Variants in EEPD1 observed in about 807,000 individuals in gnomAD.
The protein encoded by EEPD1 is endonuclease/exonuclease/phosphatase family domain-containing protein 1.
EEPD1 carries 17 observed loss-of-function variants against 46.3 expected under a neutral mutation model. The observed-to-expected ratio is 0.37, with a 90% CI of 0.25 to 0.55. The LOEUF (loss-of-function observed/expected upper bound fraction) is 0.55, where lower values mean the gene tolerates loss of function less well. Ranked by LOEUF, EEPD1 falls within the 20% of genes least tolerant of loss-of-function variation. EEPD1 has a pLI of 0.83. For missense variants in EEPD1, 673 were observed against 745.6 expected (o/e 0.90, Z 1.13); for synonymous variants, 313 against 315.6 (o/e 0.99, Z 0.09).
chr7:36,266,984 T>C (rs1787029217), intron 3 of EEPD1, among the ~76,000 whole-genome samples: 1 of 152,240 alleles, frequency 6.6e-6, no homozygotes, highest in Non-Finnish European at 1.5e-5. Flanking sequence ...CTGGTGGACA[T>C]TTGGGTCATT....
chr7:36,172,991 C>T (rs1474221491), intron 2 of EEPD1, among the ~76,000 whole-genome samples: 1 of 152,048 alleles, frequency 6.6e-6, no homozygotes, highest in Non-Finnish European at 1.5e-5. Context: ...AGTATAGAAA[C>T]AGAATTGGAG....
intron 2 of EEPD1, among the ~76,000 whole-genome samples, chr7:36,186,910 C>A (rs62445396): frequency 6.6e-6 from 1 of 152,208 alleles, no homozygotes; most frequent in Admixed American, 6.5e-5. Flanking sequence ...TCTACTGTTA[C>A]GATTGTAAAT....
rs534768270 is a variant in EEPD1, at chr7:36,211,278, C to T, written c.879-27707C>T. ...GATAGTAAAACATGCTATACATGCG[C>T]AGTGTTAAAATAGCAATTGGTGTCT... is the stretch of plus-strand genomic sequence containing the variant. On this transcript the variant is annotated intron_variant, in intron 2 of 7. Transcript: ENST00000242108. Among the ~76,000 whole-genome samples, 135 of 152,242 alleles carry T rather than the reference C, an allele frequency of 8.9e-4. 1 individual carries two copies. Among genetic ancestry groups the T allele is most frequent in the Admixed American group, 3.8e-3 (58 of 15,302 alleles).
At chr7:36,296,694 CTTTTTTTTTTTT>C (rs60706978) in intron 6 of EEPD1, among the ~76,000 whole-genome samples, 1,713 of 83,206 alleles carry the variant, frequency 0.021, 46 homozygotes, top group African/African-American at 0.077. Context: ...ACCCTTAGGT[CTTTTTTTTTTTT>C]TTTTTTTTTT....
At chr7:36,198,350 AAAAAAAAAG>A (rs1785648691) in intron 2 of EEPD1, among the ~76,000 whole-genome samples, 5 of 145,350 alleles carry the variant, frequency 3.4e-5, no homozygotes. Flanking sequence ...AAGAAAAAAA[AAAAAAAAAG>A]AAAGATATTT....
intron 3 of EEPD1, among the ~76,000 whole-genome samples, chr7:36,271,553 T>G (rs1787102225): frequency 1.3e-5 from 2 of 152,158 alleles, no homozygotes; most frequent in Admixed American, 1.3e-4. Flanking sequence ...TCTCCCATTC[T>G]GTAGGTTGCC....
At chr7:36,157,387 A>G (rs1784842513) in intron 2 of EEPD1, among the ~76,000 whole-genome samples, 1 of 152,226 alleles carries the variant, frequency 6.6e-6, no homozygotes, top group Admixed American at 6.5e-5. Flanking sequence ...GTGAGCAAAG[A>G]CGGCTGGCCT....
chr7:36,222,884 C>T (rs1444533262), intron 2 of EEPD1, among the ~76,000 whole-genome samples: 3 of 152,218 alleles, frequency 2.0e-5, no homozygotes, highest in African/African-American at 7.2e-5. Flanking sequence ...ACACAGGTGG[C>T]TCACGCCTGT....
chr7:36,268,557 G>T (rs1304345725), intron 3 of EEPD1, among the ~76,000 whole-genome samples: 1 of 152,168 alleles, frequency 6.6e-6, no homozygotes, highest in Non-Finnish European at 1.5e-5. Flanking sequence ...TGCCAGCAGT[G>T]CTTTATTTTG....
intron 3 of EEPD1, among the ~76,000 whole-genome samples, chr7:36,242,081 G>A (rs1249876402): frequency 6.6e-6 from 1 of 152,198 alleles, no homozygotes; most frequent in Non-Finnish European, 1.5e-5. Flanking sequence ...CAGACCCTAA[G>A]CCCACCTTCC....
At chr7:36,180,640 T>C (rs1562676277) in intron 2 of EEPD1, among the ~76,000 whole-genome samples, 1 of 152,100 alleles carries the variant, frequency 6.6e-6, no homozygotes, top group Non-Finnish European at 1.5e-5. Flanking sequence ...TGACTGAGTA[T>C]TTTAGGAGTC....
chr7:36,215,715 A>G lies in EEPD1; in HGVS notation c.879-23270A>G, dbSNP rs147443998. ...CGTTGTGGTTAGATCCTTGGGGAGT[A>G]AGGGCTGGTCCCCTTCCCCTGATGT... On this transcript the variant is annotated intron_variant, in intron 2 of 7. Coordinates refer to ENST00000242108, the MANE Select transcript of EEPD1 (RefSeq NM_030636.3). 3.6e-3 allele frequency among the ~76,000 whole-genome samples: 542 copies of G among 152,014 alleles called. 4 individuals carry two copies. Among genetic ancestry groups the G allele is most frequent in the African/African-American group, 0.012 (508 of 41,458 alleles).
chr7:36,296,030 C>CAAAAAAAA (rs34494609), intron 6 of EEPD1, among the ~76,000 whole-genome samples: 1 of 71,942 alleles, frequency 1.4e-5, no homozygotes, highest in African/African-American at 6.2e-5. Context: ...GACTGTCTCA[C>CAAAAAAAA]AAAAAAAAAA....
intron 6 of EEPD1, among the ~76,000 whole-genome samples, chr7:36,289,377 G>A (rs574433309): frequency 6.6e-6 from 1 of 152,244 alleles, no homozygotes; most frequent in African/African-American, 2.4e-5. Context: ...TCTACCTTCT[G>A]TCTCTGTGAT....
chr7:36,244,653 CTG>C (rs1786607073), intron 3 of EEPD1, among the ~76,000 whole-genome samples: 1 of 152,086 alleles, frequency 6.6e-6, no homozygotes, highest in South Asian at 2.1e-4. Flanking sequence ...TGCTGAGCTG[CTG>C]TGTCTGGCAG....
At chr7:36,242,166 T>A (rs1466549568) in intron 3 of EEPD1, among the ~76,000 whole-genome samples, 2 of 152,104 alleles carry the variant, frequency 1.3e-5, no homozygotes, top group African/African-American at 4.8e-5. Flanking sequence ...CTATTCTAAT[T>A]CTTAACTCAC....
At chr7:36,208,799 C>T (rs899548527) in intron 2 of EEPD1, among the ~76,000 whole-genome samples, 6 of 152,190 alleles carry the variant, frequency 3.9e-5, no homozygotes, top group Non-Finnish European at 8.8e-5. Context: ...GGCAGTGATG[C>T]TTCAAGGGTG....
chr7:36,218,489 C>A (rs2115739635), intron 2 of EEPD1, among the ~76,000 whole-genome samples: 1 of 152,222 alleles, frequency 6.6e-6, no homozygotes, highest in South Asian at 2.1e-4. Flanking sequence ...TACAGACTCA[C>A]CCTTCTTCTT....
At chr7:36,219,694 A>G (rs1583816137) in intron 2 of EEPD1, among the ~76,000 whole-genome samples, 1 of 151,150 alleles carries the variant, frequency 6.6e-6, no homozygotes, top group African/African-American at 2.4e-5. Flanking sequence ...AGAAGAAGAA[A>G]GAAGTGGGGA....
Sources: gnomAD v4.1 joint callset for allele counts (sites outside exome capture counted in the v4.1 genomes callset) on GRCh38, gnomAD v4.1.1 for gene constraint, MANE v1.5 for transcripts, NCBI Gene and HGNC (gene_info 2026-07-23, HGNC 2026-07-21) for gene names.